The following TMPRSS2 variants were observed in gnomAD, a reference collection of about 807,000 sequenced individuals.
TMPRSS2 encodes the protein transmembrane protease serine 2.
Under a neutral mutation model 67.4 loss-of-function variants are expected in TMPRSS2, and 59 were observed. The observed-to-expected ratio is 0.88, with a 90% CI of 0.71 to 1.09. TMPRSS2 has a LOEUF of 1.09. TMPRSS2 is among the 50% of genes least tolerant of loss of function. TMPRSS2 has a pLI of 0.00. For missense variants in TMPRSS2, 668 were observed against 642.7 expected, an observed-to-expected ratio of 1.04 and a Z score of -0.43; for synonymous variants, 257 against 257.0, an observed-to-expected ratio of 1.00 and a Z score of 0.00.
chr21:41,471,682 G>A lies in TMPRSS2; in HGVS notation c.1075+124C>T, dbSNP rs888519359. 65 of 1,154,872 alleles carry A rather than the reference G, an allele frequency of 5.6e-5. No individual in the cohort carries two copies. In the Middle Eastern group the frequency reaches 8.1e-4, roughly 14 times the overall value. 71.5% of individuals were successfully genotyped at this position (1,154,872 alleles called of 1,614,324 possible). A position where few individuals can be genotyped will look rare whatever the true frequency, so the allele number is the denominator to read the frequency against. ...TGTGAGCCTCTCCCATTGGCCACCCGCTGCACGCTACCCTCGCTCAACGCA... is the reference window on the plus strand; with the variant it reads ...TGTGAGCCTCTCCCATTGGCCACCCACTGCACGCTACCCTCGCTCAACGCA... On this transcript the variant is annotated intron_variant, in intron 10 of 13. Transcript: ENST00000332149.
rs759433454 is a variant in TMPRSS2, at chr21:41,473,428, C to A, written c.796G>T (p.Ala266Ser). 8 of 1,609,808 alleles carry A rather than the reference C, an allele frequency of 5.0e-6. No individual in the cohort carries two copies. The highest frequency in any genetic ancestry group is 1.7e-5 in the Admixed American group (1 of 59,756). ...TGCAGGCTGACCTGCCAGGGCCAGG[C>A]CCCCGGGAGCGCGCTCTCGCCGCCC... ...IVGGESALPG[A>S]WPWQVSLHVQ... The change falls in exon 9 of 14, where the codon GCC (alanine) becomes TCC (serine). Residue 266 changes from alanine to serine, a missense_variant. By Grantham distance (99) the Ala-to-Ser change is moderately conservative (BLOSUM62 1). Coordinates refer to ENST00000332149, the MANE Select transcript of TMPRSS2 (RefSeq NM_005656.4).
chr21:41,493,701 G>A (rs1362509804), intron 3 of TMPRSS2, among the ~76,000 whole-genome samples: 3 of 152,308 alleles, frequency 2.0e-5, no homozygotes, highest in East Asian at 1.9e-4. Context: ...CAAGAGGGGC[G>A]GACTGGAAAG....
chr21:41,470,197 G>A (rs1166379526), intron 11 of TMPRSS2, among the ~76,000 whole-genome samples: 1 of 152,138 alleles, frequency 6.6e-6, no homozygotes, highest in Non-Finnish European at 1.5e-5. Flanking sequence ...AGATTGCAAA[G>A]GAAGTGGGTG....
intron 13 of TMPRSS2, among the ~76,000 whole-genome samples, chr21:41,467,000 C>T (rs1468587072): frequency 6.6e-6 from 1 of 152,164 alleles, no homozygotes; most frequent in Non-Finnish European, 1.5e-5. Context: ...GCTGCTCCTG[C>T]CCTTCCTAAC....
At chr21:41,470,844 C>A (rs28524972) in intron 10 of TMPRSS2, 101 bp from the exon 11 acceptor site, 30 of 884,486 alleles carry the variant, frequency 3.4e-5, no homozygotes, top group Admixed American at 2.6e-4. Flanking sequence ...CCCTGGCCAC[C>A]CTGCCCAGAG....
In TMPRSS2 at chr21:41,466,089, A is replaced by C. The variant is rs2146416169; in HGVS notation, c.*53T>G. 6.2e-7 allele frequency: 1 copy of C among 1,610,040 alleles called. No individual in the cohort carries two copies. The highest frequency in any genetic ancestry group is 1.1e-5 in the South Asian group (1 of 90,754). ...AGTAAATCATGCACGGGGAAGCAAAACCAGCCCCATTGTTTTCTTGTAAAA... is the reference window on the plus strand; with the variant it reads ...AGTAAATCATGCACGGGGAAGCAAACCCAGCCCCATTGTTTTCTTGTAAAA... On this transcript the variant is annotated 3_prime_UTR_variant, in exon 14 of 14. Coordinates refer to ENST00000332149, the MANE Select transcript of TMPRSS2 (RefSeq NM_005656.4).
At chr21:41,491,183 G>C (rs1291800766) in intron 3 of TMPRSS2, among the ~76,000 whole-genome samples, 1 of 136,616 alleles carries the variant, frequency 7.3e-6, no homozygotes, top group Admixed American at 7.4e-5. Context: ...TTTGAGACAG[G>C]GTCTTGCTTG....
chr21:41,494,169 C>T lies in TMPRSS2; in HGVS notation c.238+187G>A, dbSNP rs190970011. Among the ~76,000 whole-genome samples the T allele has an allele frequency of 5.3e-5, 8 of 152,308 alleles. No individual in the cohort carries two copies. The East Asian group carries it at 9.7e-4, about 18-fold the overall frequency. ...GCCCTGGGCAAGAGGCTAGGCCTGGCAGCGACAGCTTTGACCCAGCAGGAA... is the reference window on the plus strand; with the variant it reads ...GCCCTGGGCAAGAGGCTAGGCCTGGTAGCGACAGCTTTGACCCAGCAGGAA... On this transcript the variant is annotated intron_variant, in intron 3 of 13. Coordinates refer to ENST00000332149, the MANE Select transcript of TMPRSS2 (RefSeq NM_005656.4).
intron 5 of TMPRSS2, among the ~76,000 whole-genome samples, chr21:41,483,087 A>T (rs1191970428): frequency 6.6e-6 from 1 of 152,158 alleles, no homozygotes; most frequent in Non-Finnish European, 1.5e-5. Flanking sequence ...GAAGTCCAGG[A>T]CTTCAGTTCA....
chr21:41,503,444 G>A (rs559691670), intron 1 of TMPRSS2, among the ~76,000 whole-genome samples: 4 of 152,340 alleles, frequency 2.6e-5, no homozygotes, highest in East Asian at 3.9e-4. Flanking sequence ...AAGCAAGGCC[G>A]TAGCTCAGTG....
At chr21:41,480,726 C>T in intron 5 of TMPRSS2, 124 bp from the exon 6 acceptor site, 1 of 1,369,788 alleles carries the variant, frequency 7.3e-7, no homozygotes, top group Non-Finnish European at 1.0e-6. Context: ...GCAGCCTCCG[C>T]CTCCCAGGTT....
At chr21:41,496,207 G>A (rs1011914705) in intron 2 of TMPRSS2, among the ~76,000 whole-genome samples, 3 of 152,226 alleles carry the variant, frequency 2.0e-5, no homozygotes, top group African/African-American at 7.2e-5. Context: ...ACTGGCACAG[G>A]TATGAATTAA....
At chr21:41,488,534 G>A (rs2091313974) in intron 4 of TMPRSS2, 21 bp from the exon 5 acceptor site, 1 of 1,604,822 alleles carries the variant, frequency 6.2e-7, no homozygotes, top group Non-Finnish European at 8.5e-7. Context: ...AAACAGAAGA[G>A]AGGTGCCCTT....
chr21:41,499,126 G>A (rs2091406306), intron 1 of TMPRSS2, among the ~76,000 whole-genome samples: 1 of 152,054 alleles, frequency 6.6e-6, no homozygotes, highest in Admixed American at 6.6e-5. Context: ...CATAAAACAT[G>A]TCCACAGTCA....
At chr21:41,468,707 C>A (rs1368661830) in intron 11 of TMPRSS2, 169 bp from the exon 12 acceptor site, 8 of 670,932 alleles carry the variant, frequency 1.2e-5, no homozygotes, top group Non-Finnish European at 1.7e-5. Flanking sequence ...CCTGGGAAAC[C>A]TGGATTCTCC....
At position 41,471,961 on chromosome 21, in the gene TMPRSS2, T is replaced by C; in HGVS notation, c.920A>G (p.His307Arg). ...CVEKPLNNPWHWTAFAGILRQ... is the reference protein window; with the variant it reads ...CVEKPLNNPWRWTAFAGILRQ... ...CAAAATCCCCGCAAATGCCGTCCAA[T>C]GCCATGGATTGTTAAGAGGTCTGGG... The change falls in exon 10 of 14, where the codon CAT becomes CGT. Residue 307 changes from histidine (H) to arginine (R), a missense_variant. By Grantham distance (29) the His-to-Arg change is conservative (BLOSUM62 0). Transcript: ENST00000332149. 1 of 1,610,296 alleles carries C rather than the reference T, an allele frequency of 6.2e-7. No homozygotes were observed. Among genetic ancestry groups the C allele is most frequent in the Non-Finnish European group, 8.5e-7 (1 of 1,177,582 alleles).
intron 11 of TMPRSS2, among the ~76,000 whole-genome samples, chr21:41,469,027 A>G (rs1465536393): frequency 6.6e-6 from 1 of 151,938 alleles, no homozygotes; most frequent in East Asian, 1.9e-4. Context: ...CCACCTCTGC[A>G]TTTCCCACTC....
chr21:41,504,979 C>T (rs1396533763), intron 1 of TMPRSS2, among the ~76,000 whole-genome samples: 3 of 151,776 alleles, frequency 2.0e-5, no homozygotes, highest in Admixed American at 6.6e-5. Flanking sequence ...ATGAGGGACA[C>T]TCAGGGAGTG....
At chr21:41,507,804 T>A in intron 1 of TMPRSS2, 2 of 929,808 alleles carry the variant, frequency 2.2e-6, no homozygotes, top group Non-Finnish European at 3.0e-6. Flanking sequence ...CAGGACCACC[T>A]GCCCCAACCT....
Sources: allele counts gnomAD v4.1 joint callset (sites outside exome capture counted in the v4.1 genomes callset), GRCh38; gene constraint gnomAD v4.1.1; transcripts MANE v1.5; gene names NCBI Gene and HGNC (gene_info 2026-07-23, HGNC 2026-07-21).